PASK: variants seen among roughly 807,000 people sequenced by gnomAD.
PASK encodes PAS domain containing serine/threonine kinase.
In PASK, 110 loss-of-function variants were observed where a neutral mutation model predicts 121.0. The ratio of observed to expected loss-of-function variants is 0.91; its 90% confidence interval spans 0.78 to 1.06. The LOEUF (loss-of-function observed/expected upper bound fraction) is 1.06. PASK is among the 50% of genes least tolerant of loss of function. PASK has a pLI of 0.00. For synonymous variants in PASK, 686 were observed against 717.8 expected (o/e 0.96, Z 0.71); for missense variants, 1,643 against 1,702.3 (o/e 0.97, Z 0.61).
intron 12 of PASK, among the ~76,000 whole-genome samples, chr2:241,121,082 T>C (rs1017360396): frequency 6.6e-6 from 1 of 152,236 alleles, no homozygotes; most frequent in African/African-American, 2.4e-5. Flanking sequence ...CAAAAGAGCA[T>C]GCTGTGCATG....
At chr2:241,123,553 C>T (rs927763619) in intron 11 of PASK, among the ~76,000 whole-genome samples, 1 of 152,078 alleles carries the variant, frequency 6.6e-6, no homozygotes, top group African/African-American at 2.4e-5. Context: ...CGCAATGGCT[C>T]ACGCCTATAA....
intron 15 of PASK, chr2:241,109,839 G>A (rs1251445167): frequency 2.0e-5 from 3 of 152,184 alleles, no homozygotes; most frequent in African/African-American, 4.8e-5. Flanking sequence ...TCCTGTGAAG[G>A]GTCAAATAGT....
At chr2:241,145,241 C>T (rs767239704) in intron 1 of PASK, among the ~76,000 whole-genome samples, 1 of 152,180 alleles carries the variant, frequency 6.6e-6, no homozygotes, top group Middle Eastern at 3.2e-3. Context: ...TGTATCTTCA[C>T]ATGGCCATCT....
intron 15 of PASK, among the ~76,000 whole-genome samples, chr2:241,111,198 C>T (rs2065097699): frequency 6.6e-6 from 1 of 152,244 alleles, no homozygotes; most frequent in East Asian, 1.9e-4. Context: ...AGCAAATGCC[C>T]TGGCCTCAGG....
Position 241,115,360 on chromosome 2 carries a change from C to T in PASK, c.3126G>A (p.Glu1042=). 1 of 1,613,716 alleles carries T rather than the reference C, an allele frequency of 6.2e-7. No individual in the cohort carries two copies. The highest frequency in any genetic ancestry group is 1.3e-5 in the African/African-American group (1 of 74,966). The change falls in exon 13 of 18, where the codon GAG becomes GAA. Residue 1042 remains glutamate (E), a synonymous_variant. Transcript: ENST00000234040. ...KEKVLEDCWI[E]DPKLGKVTLE... ...AAGTAACTTTCCCAAGTTTGGGATC[C>T]TCAATCCAACAATCCTCCAAGACCT...
At chr2:241,122,949 G>C (rs1397390381) in intron 11 of PASK, 50 bp from the exon 12 acceptor site, 1 of 1,577,024 alleles carries the variant, frequency 6.3e-7, no homozygotes, top group Non-Finnish European at 8.7e-7. Flanking sequence ...GCACCGGGCA[G>C]AGGTGCAGCA....
chr2:241,140,876 G>A, intron 2 of PASK, 123 bp from the exon 3 acceptor site: 1 of 723,064 alleles, frequency 1.4e-6, no homozygotes. Flanking sequence ...GATTAAGTCA[G>A]TCTGCACAGC....
rs1321549490 is a variant in PASK at position 241,106,723 on chromosome 2, T to C, written c.3815A>G (p.Glu1272Gly). Residue 1272 changes from glutamate (E) to glycine (G), a missense_variant and splice_region_variant, in exon 18 of 18, where the codon GAA (glutamate) becomes GGA (glycine). Around this residue, in one of 3 missense-constraint regions of PASK, gnomAD observed 453 missense variants for 511.2 expected, o/e 0.89. Coordinates refer to ENST00000234040, the MANE Select transcript of PASK (RefSeq NM_015148.4). Reference protein sequence around the residue: ...WEEVFRVNKPESGVLSAASLE... With the variant: ...WEEVFRVNKPGSGVLSAASLE... ...GCTCGCAGCGGACAGAACTCCACTT[T>C]CTGAAGAAACAAGAAGGTAACTGTA... 1.3e-5 allele frequency: 21 copies of C among 1,613,972 alleles called. No individual in the cohort carries two copies. The highest frequency in any genetic ancestry group is 1.8e-5 in the Non-Finnish European group (21 of 1,179,918).
At position 241,140,578 on chromosome 2, in the gene PASK, C is replaced by T. The variant is rs774200747; in HGVS notation, c.372G>A (p.Pro124=). Residue 124 remains proline (P), a synonymous_variant, in exon 3 of 18, where the codon CCG becomes CCA. Coordinates refer to ENST00000234040, the MANE Select transcript of PASK (RefSeq NM_015148.4). ...LSSGWSSPLL[P]APVCNPNKAI... is the part of the protein sequence containing the mutation. The stretch of plus-strand genomic sequence containing the variant: ...CCTTGTTAGGGTTGCACACAGGGGC[C>T]GGAAGCAGAGGTGAGGACCACCCTG... The T allele has an allele frequency of 3.1e-6, 5 of 1,614,044 alleles. No homozygotes were observed. The highest frequency in any genetic ancestry group is 2.2e-5 in the East Asian group (1 of 44,882).
intron 1 of PASK, among the ~76,000 whole-genome samples, chr2:241,148,680 A>T (rs1348825480): frequency 6.6e-6 from 1 of 152,234 alleles, no homozygotes; most frequent in Non-Finnish European, 1.5e-5. Context: ...GCATTTTACA[A>T]AGATTACTCC....
intron 12 of PASK, among the ~76,000 whole-genome samples, chr2:241,119,861 T>C (rs536437245): frequency 2.6e-5 from 4 of 152,200 alleles, no homozygotes; most frequent in African/African-American, 9.6e-5. Flanking sequence ...GTCTACACCC[T>C]CTCCTCCTCC....
intron 14 of PASK, chr2:241,113,961 T>C (rs996330959): frequency 3.1e-6 from 3 of 982,432 alleles, no homozygotes; most frequent in East Asian, 2.3e-4. Context: ...TATGTCTATA[T>C]ATTTACAAAA....
intron 10 of PASK, among the ~76,000 whole-genome samples, chr2:241,124,742 T>C (rs1458889468): frequency 6.6e-6 from 1 of 152,242 alleles, no homozygotes; most frequent in Non-Finnish European, 1.5e-5. Flanking sequence ...TTTATATTTC[T>C]AATGTTTCTA....
chr2:241,141,902 C>T (rs902259958), intron 2 of PASK, among the ~76,000 whole-genome samples: 4 of 152,274 alleles, frequency 2.6e-5, no homozygotes, highest in African/African-American at 4.8e-5. Context: ...AGTCACCAAG[C>T]GCAGCTCCTT....
intron 8 of PASK, 93 bp downstream of exon 8, chr2:241,135,778 T>C (rs1196060317): frequency 2.6e-5 from 32 of 1,248,788 alleles, no homozygotes; most frequent in Non-Finnish European, 3.4e-5. Context: ...GGAGGGACAA[T>C]AGCTCCTGCT....
chr2:241,125,676 G>A (rs2065824516), intron 10 of PASK, among the ~76,000 whole-genome samples: 1 of 151,522 alleles, frequency 6.6e-6, no homozygotes, highest in Non-Finnish European at 1.5e-5. Flanking sequence ...AAAGGGGCAA[G>A]CAGAGGGGCC....
intron 17 of PASK, 95 bp from the exon 18 acceptor site, chr2:241,106,818 TAAG>T: frequency 4.0e-6 from 5 of 1,242,126 alleles, no homozygotes; most frequent in Non-Finnish European, 5.8e-6. Context: ...AACAAAAGCC[TAAG>T]GTGAGGCCCT....
intron 6 of PASK, among the ~76,000 whole-genome samples, 199 bp from the exon 7 acceptor site, chr2:241,137,463 C>T (rs78929932): frequency 0.012 from 1,754 of 152,262 alleles, 28 homozygotes; most frequent in African/African-American, 0.04. Flanking sequence ...GTGGGGAGGA[C>T]TCAGTGTCCA....
Position 241,133,053 on chromosome 2 carries a change from G to A in PASK, c.1307-23C>T, listed in dbSNP as rs370636599. 34 of 1,613,592 alleles carry A rather than the reference G, an allele frequency of 2.1e-5. No homozygotes were observed. The South Asian group carries it at 2.3e-4, about 11-fold the overall frequency. Reference sequence around the variant, plus strand: ...GATCTGGCAGCAACACCAAAAAAGAGCGTTTGCTCTTCACAGGCACTCCCT... The same window carrying A: ...GATCTGGCAGCAACACCAAAAAAGAACGTTTGCTCTTCACAGGCACTCCCT... On this transcript the variant is annotated intron_variant, in intron 8 of 17. Transcript: ENST00000234040.
Sources: allele counts gnomAD v4.1 joint callset (sites outside exome capture counted in the v4.1 genomes callset), GRCh38; gene constraint gnomAD v4.1.1; regional missense constraint gnomAD v4.1.1; transcripts MANE v1.5; gene names NCBI Gene and HGNC (gene_info 2026-07-23, HGNC 2026-07-21).